GARNL3: variants seen among roughly 807,000 people sequenced by gnomAD.
GARNL3 encodes GTPase activating Rap/RanGAP domain like 3.
In GARNL3, 63 loss-of-function variants were observed where a neutral mutation model predicts 125.0. The ratio of observed to expected loss-of-function variants is 0.50; its 90% CI spans 0.41 to 0.62. GARNL3 has a LOEUF of 0.62. GARNL3 is among the 20% of genes least tolerant of loss of function. The pLI, the probability that GARNL3 is intolerant of heterozygous loss-of-function variation, is 0.00. For synonymous variants in GARNL3, 439 were observed against 457.5 expected (o/e 0.96, Z 0.52); for missense variants, 994 against 1,244.0 (o/e 0.80, Z 3.02).
chr9:127,339,671 T>C lies in GARNL3; in HGVS notation c.1055T>C (p.Val352Ala). 6.2e-7 allele frequency: 1 copy of C among 1,613,046 alleles called. No individual in the cohort carries two copies. Among genetic ancestry groups the C allele is most frequent in the Non-Finnish European group, 8.5e-7 (1 of 1,178,972 alleles). Residue 352 changes from valine to alanine, a missense_variant, in exon 13 of 28, where the codon GTA becomes GCA. By Grantham distance (64) the Val-to-Ala change is moderately conservative (BLOSUM62 0). This residue lies in a region of GARNL3 where 728 missense variants were observed against 865.7 expected (regional missense o/e 0.84). Transcript: ENST00000373387. ...CTGAAAATATTTTCAGAAGAGAGCG[T>C]ACCACTCTTTGGCCCTCCCTTGCCA... is the stretch of plus-strand genomic sequence containing the variant. ...YRLKIFSEES[V>A]PLFGPPLPTP...
rs761067671 is a variant in GARNL3, at chr9:127,353,856, A to G, written c.1554A>G (p.Pro518=). The G allele has an allele frequency of 1.2e-6, 2 of 1,612,078 alleles. No homozygotes were observed. The highest frequency in any genetic ancestry group is 8.5e-7 in the Non-Finnish European group (1 of 1,178,132). Reference sequence around the variant, plus strand: ...GGTTTCCTTTTCCAGATGACCTTCCATCAGTGCCCGTGTTTGACAGAACTC... The same window carrying G: ...GGTTTCCTTTTCCAGATGACCTTCCGTCAGTGCCCGTGTTTGACAGAACTC... ...AGVLLVDDDL[P]SVPVFDRTLP... is the part of the protein sequence containing the mutation. The change falls in exon 18 of 28, where the codon CCA becomes CCG. Residue 518 remains proline, a synonymous_variant. Transcript: ENST00000373387.
At chr9:127,258,007 T>C (rs1218814121) in intron 2 of GARNL3, among the ~76,000 whole-genome samples, 1 of 152,066 alleles carries the variant, frequency 6.6e-6, no homozygotes, top group Non-Finnish European at 1.5e-5. Context: ...TAACCCCCTG[T>C]TGCAATGAGG....
chr9:127,227,088 G>T (rs1229687485), intron 1 of GARNL3, among the ~76,000 whole-genome samples: 3 of 152,144 alleles, frequency 2.0e-5, no homozygotes, highest in African/African-American at 2.4e-5. Context: ...TAATTTAACC[G>T]CCTAGGACTA....
At chr9:127,314,579 A>C (rs2065186000) in intron 4 of GARNL3, among the ~76,000 whole-genome samples, 1 of 126,400 alleles carries the variant, frequency 7.9e-6, no homozygotes. Context: ...CCTCCCTCCA[A>C]GGCAGGAGAG....
intron 17 of GARNL3, among the ~76,000 whole-genome samples, chr9:127,350,233 C>G (rs1289171315): frequency 6.6e-6 from 1 of 152,056 alleles, no homozygotes; most frequent in East Asian, 1.9e-4. Flanking sequence ...AAACTGTGAT[C>G]TGAAAGAAAA....
At chr9:127,387,373 A>C in intron 25 of GARNL3, 42 bp downstream of exon 25, 1 of 1,545,920 alleles carries the variant, frequency 6.5e-7, no homozygotes, top group Middle Eastern at 1.8e-4. Context: ...TTTGTAATTC[A>C]CTCTAATTTC....
At chr9:127,246,627 G>A (rs1344675708) in intron 2 of GARNL3, among the ~76,000 whole-genome samples, 2 of 152,180 alleles carry the variant, frequency 1.3e-5, no homozygotes, top group East Asian at 3.9e-4. Flanking sequence ...CCAACAAGGT[G>A]AAACCCCGTC....
In GARNL3 at chr9:127,391,911, G is replaced by A. The variant is rs545996163; in HGVS notation, c.2870+1144G>A. Among the ~76,000 whole-genome samples, 6 of 152,304 alleles carry A rather than the reference G, an allele frequency of 3.9e-5. No individual in the cohort carries two copies. The South Asian group carries it at 1.2e-3, about 32-fold the overall frequency. ...CATCACACGTGCTCCAGTGTGGGGA[G>A]TGATAGTTCGTATGTCCAAGCTTCA... On this transcript the variant is annotated intron_variant, in intron 27 of 27. Transcript: ENST00000373387.
chr9:127,269,785 TG>T (rs1588719049), intron 1 of GARNL3, among the ~76,000 whole-genome samples: 2 of 86,592 alleles, frequency 2.3e-5, no homozygotes, highest in East Asian at 8.3e-4. Context: ...TTGTTTTTTG[TG>T]TTTTTTTTTT....
At chr9:127,365,973 A>G (rs766808416) in intron 22 of GARNL3, among the ~76,000 whole-genome samples, 17 of 152,174 alleles carry the variant, frequency 1.1e-4, no homozygotes, top group Admixed American at 6.5e-4. Context: ...GGGCAGACCA[A>G]AGGTATCAAA....
At chr9:127,291,361 C>T in intron 2 of GARNL3, 119 bp downstream of exon 2, 1 of 826,478 alleles carries the variant, frequency 1.2e-6, no homozygotes, top group Non-Finnish European at 2.0e-6. Flanking sequence ...TTGCTTGAAG[C>T]AAATGGAAGG....
chr9:127,300,712 C>T (rs995318618), intron 2 of GARNL3: 3 of 325,638 alleles, frequency 9.2e-6, no homozygotes, highest in Admixed American at 9.1e-5. Flanking sequence ...CCCTCGGCCT[C>T]CCAAAGTGCT....
intron 20 of GARNL3, among the ~76,000 whole-genome samples, chr9:127,356,806 G>A (rs951203873): frequency 6.6e-6 from 1 of 152,212 alleles, no homozygotes; most frequent in African/African-American, 2.4e-5. Flanking sequence ...AGACAGAATA[G>A]TAGCTGTACC....
Position 127,384,419 on chromosome 9 carries a change from G to A in GARNL3, c.2270-608G>A, listed in dbSNP as rs961362348. ...GTGTGCCCCAGGGCAGCCAGGGCAG[G>A]CACAGTGCCTGGAAGCCAGTGTGTC... On this transcript the variant is annotated intron_variant, in intron 23 of 27. Coordinates refer to ENST00000373387, the MANE Select transcript of GARNL3 (RefSeq NM_032293.5). This position sits in a 1 kb window ranked among gnomAD's most constrained non-coding sequence, Gnocchi z 4.0. Among the ~76,000 whole-genome samples, 5 of 152,184 alleles carry A rather than the reference G, an allele frequency of 3.3e-5. No homozygotes were observed. Among genetic ancestry groups the A allele is most frequent in the Admixed American group, 6.5e-5 (1 of 15,278 alleles).
chr9:127,367,778 C>T (rs1159256492), intron 22 of GARNL3, among the ~76,000 whole-genome samples: 2 of 152,092 alleles, frequency 1.3e-5, no homozygotes, highest in Non-Finnish European at 2.9e-5. Context: ...ATAAGTGCCC[C>T]TTGTTTTTGA....
chr9:127,363,407 T>C (rs1327231694), intron 21 of GARNL3: 2 of 152,288 alleles, frequency 1.3e-5, no homozygotes, highest in African/African-American at 4.8e-5. Context: ...TTCTTTTCTG[T>C]ATCCTAGTGG....
chr9:127,348,924 C>T lies in GARNL3; in HGVS notation c.1432C>T (p.Pro478Ser), dbSNP rs1487083296. 2 of 1,607,188 alleles carry T rather than the reference C, an allele frequency of 1.2e-6. No individual in the cohort carries two copies. Among genetic ancestry groups the T allele is most frequent in the Non-Finnish European group, 1.7e-6 (2 of 1,176,152 alleles). ...LAASGICKKE[P>S]WEPQCFCSNF... ...TTCCGATGCTTGTATTGCCTCACAG[C>T]CGTGGGAGCCCCAGTGTTTCTGCAG... Residue 478 changes from proline to serine, a missense_variant and splice_region_variant, in exon 17 of 28, where the codon CCG (proline) becomes TCG (serine). Coordinates refer to ENST00000373387, the MANE Select transcript of GARNL3 (RefSeq NM_032293.5).
intron 2 of GARNL3, among the ~76,000 whole-genome samples, chr9:127,297,656 C>T (rs1304819364): frequency 6.6e-6 from 1 of 152,104 alleles, no homozygotes; most frequent in Non-Finnish European, 1.5e-5. Context: ...TAACACATAC[C>T]GAATGATCTT....
upstream of GARNL3, among the ~76,000 whole-genome samples, chr9:127,261,856 T>G (rs572589192): frequency 6.6e-6 from 1 of 152,280 alleles, no homozygotes; most frequent in East Asian, 1.9e-4. Context: ...ATTCATTCTG[T>G]TTTTGTCTGT....
Sources: gnomAD v4.1 joint callset for allele counts (sites outside exome capture counted in the v4.1 genomes callset) on GRCh38, gnomAD v4.1.1 for gene constraint, gnomAD v4.1.1 regional missense constraint, Gnocchi (gnomAD v3.1) non-coding constraint, MANE v1.5 for transcripts, NCBI Gene and HGNC (gene_info 2026-07-23, HGNC 2026-07-21) for gene names.